The following TULP4 variants were observed in gnomAD, a reference collection of about 807,000 sequenced individuals.
The protein encoded by TULP4 is tubby-related protein 4.
TULP4 carries 16 observed loss-of-function variants against 129.0 expected under a neutral mutation model. The observed-to-expected ratio is 0.12, with a 90% confidence interval of 0.08 to 0.19. The LOEUF (loss-of-function observed/expected upper bound fraction) is 0.19, where lower values mean the gene tolerates loss of function less well. Ranked by LOEUF, TULP4 falls within the 10% of genes least tolerant of loss-of-function variation. TULP4 has a pLI of 1.00. For synonymous variants in TULP4, 998 were observed against 854.0 expected (o/e 1.17, Z -2.94); for missense variants, 1,842 against 2,059.1 (o/e 0.89, Z 2.04).
At chr6:158,256,658 A>G (rs1305584816) in intron 1 of TULP4, among the ~76,000 whole-genome samples, 2 of 152,224 alleles carry the variant, frequency 1.3e-5, no homozygotes, top group African/African-American at 2.4e-5. Context: ...TATTAGCAAA[A>G]CTGGATTACA....
In TULP4 at chr6:158,479,855, G is replaced by A. The variant is rs1469233117; in HGVS notation, c.1131G>A (p.Leu377=). 3.1e-6 allele frequency: 5 copies of A among 1,613,744 alleles called. No individual in the cohort carries two copies. The highest frequency in any genetic ancestry group is 4.2e-6 in the Non-Finnish European group (5 of 1,180,022). Residue 377 remains leucine (L), a synonymous_variant, in exon 7 of 14, where the codon CTG becomes CTA. Coordinates refer to ENST00000367097, the MANE Select transcript of TULP4 (RefSeq NM_020245.5). ...GTGTGGAGCACCGGGTGTCCAGCCT[G>A]CAGCTGCTGTGCCAGCAGGCCATCG... The part of the protein sequence containing the change: ...VVRVEHRVSS[L]QLLCQQAIAS...
chr6:158,237,229 T>C (rs1268817342), intron 1 of TULP4: 2 of 773,754 alleles, frequency 2.6e-6, no homozygotes, highest in African/African-American at 1.8e-5. Context: ...TATGAAAATA[T>C]GGAGATGAAG....
At chr6:158,405,258 A>C (rs1314737021) in intron 1 of TULP4, among the ~76,000 whole-genome samples, 1 of 152,234 alleles carries the variant, frequency 6.6e-6, no homozygotes, top group Non-Finnish European at 1.5e-5. Flanking sequence ...AAAAGTTTAA[A>C]AATCATTTAT....
chr6:158,295,941 C>T (rs1277542700), intron 1 of TULP4, among the ~76,000 whole-genome samples: 3 of 152,160 alleles, frequency 2.0e-5, no homozygotes, highest in Non-Finnish European at 1.5e-5. Flanking sequence ...CCTTTGTGTG[C>T]CTCTCCCGGC....
In TULP4 at chr6:158,508,689, A is replaced by G. The variant is rs954006973; in HGVS notation, c.*1995A>G. The G allele has an allele frequency of 6.6e-6, 1 of 152,536 alleles. No individual in the cohort carries two copies. Among genetic ancestry groups the G allele is most frequent in the Non-Finnish European group, 1.5e-5 (1 of 68,008 alleles). The allele number at this position is 152,536 out of a possible 1,614,324, so 9.4% of individuals were successfully genotyped here. On this transcript the variant is annotated 3_prime_UTR_variant, in exon 14 of 14. Coordinates refer to ENST00000367097, the MANE Select transcript of TULP4 (RefSeq NM_020245.5). ...TAGCCTGTTAGATAATCTAAATGCA[A>G]TTCCCCTGTTTTGTCGTTTAGGAGA...
chr6:158,501,553 C>CT (rs1780445390), intron 12 of TULP4, 125 bp from the exon 13 acceptor site: 13 of 977,236 alleles, frequency 1.3e-5, no homozygotes, highest in Admixed American at 2.7e-5. Flanking sequence ...AGACACGTCT[C>CT]TGTCTCTGGC....
chr6:158,485,756 C>G (rs1780051335), intron 8 of TULP4, among the ~76,000 whole-genome samples: 1 of 152,236 alleles, frequency 6.6e-6, no homozygotes. Context: ...GAAGACTCCA[C>G]TCAAGCCTCA....
chr6:158,385,335 G>C (rs1220577722), intron 1 of TULP4, among the ~76,000 whole-genome samples: 1 of 152,156 alleles, frequency 6.6e-6, no homozygotes, highest in Non-Finnish European at 1.5e-5. Context: ...TCTGCAGTCA[G>C]GGCATCCAGC....
At chr6:158,244,215 G>A (rs1447891693) in intron 1 of TULP4, among the ~76,000 whole-genome samples, 3 of 151,948 alleles carry the variant, frequency 2.0e-5, no homozygotes, top group Admixed American at 2.0e-4. Flanking sequence ...TAGCTTCCTT[G>A]CTTTACGATA....
At chr6:158,446,206 A>G (rs1779034485) in intron 3 of TULP4, among the ~76,000 whole-genome samples, 1 of 152,236 alleles carries the variant, frequency 6.6e-6, no homozygotes, top group Admixed American at 6.5e-5. Flanking sequence ...ATCTGATTTT[A>G]TGTTGTATCA....
chr6:158,342,356 A>G (rs923426837), intron 1 of TULP4, among the ~76,000 whole-genome samples: 6 of 152,260 alleles, frequency 3.9e-5, no homozygotes, highest in Admixed American at 3.9e-4. Flanking sequence ...TTGAGTTTAC[A>G]TAAGATTGTA....
chr6:158,459,640 C>CA (rs1233121362), intron 5 of TULP4, among the ~76,000 whole-genome samples: 1 of 151,832 alleles, frequency 6.6e-6, no homozygotes, highest in African/African-American at 2.4e-5. Flanking sequence ...CAATACAATT[C>CA]AAAAAAATAT....
At chr6:158,347,113 T>C (rs1297723034) in intron 1 of TULP4, among the ~76,000 whole-genome samples, 1 of 152,222 alleles carries the variant, frequency 6.6e-6, no homozygotes, top group African/African-American at 2.4e-5. Flanking sequence ...TTGAGGATAA[T>C]TGATATTAAT....
At chr6:158,236,488 C>G (rs1054110348) in intron 1 of TULP4, among the ~76,000 whole-genome samples, 9 of 151,936 alleles carry the variant, frequency 5.9e-5, no homozygotes, top group African/African-American at 2.2e-4. Context: ...TTCTTGTGGC[C>G]ATTCATTTAA....
intron 1 of TULP4, among the ~76,000 whole-genome samples, chr6:158,251,417 A>G (rs1396169232): frequency 6.6e-6 from 1 of 152,126 alleles, no homozygotes; most frequent in South Asian, 2.1e-4. Context: ...AATTCTTAAT[A>G]TAACTAATAT....
chr6:158,381,162 T>G (rs932878716), intron 1 of TULP4, among the ~76,000 whole-genome samples: 5 of 150,644 alleles, frequency 3.3e-5, no homozygotes, highest in African/African-American at 1.2e-4. Context: ...TTATGGTTGT[T>G]TTTTTTTTTA....
In TULP4 at chr6:158,501,774, C is replaced by T. The variant is rs748496837; in HGVS notation, c.2111C>T (p.Thr704Met). ...AGCTCGGCTCAGGCTATGTCCCCCA[C>T]GCAGAGCATAGGGCTGGTGCAGTCC... ...IHSSAQAMSP[T>M]QSIGLVQSLL... Residue 704 changes from threonine (T) to methionine (M), a missense_variant, in exon 13 of 14, where the codon ACG becomes ATG. By Grantham distance (81) the Thr-to-Met change is moderately conservative. Around this residue, in one of 5 missense-constraint regions of TULP4, gnomAD observed 99 missense variants for 165.1 expected, o/e 0.60. Coordinates refer to ENST00000367097, the MANE Select transcript of TULP4 (RefSeq NM_020245.5). The T allele has an allele frequency of 4.0e-5, 65 of 1,614,162 alleles. No homozygotes were observed. Among genetic ancestry groups the T allele is most frequent in the South Asian group, 2.4e-4 (22 of 91,086 alleles).
At chr6:158,437,487 G>T (rs1778777418) in intron 3 of TULP4, among the ~76,000 whole-genome samples, 1 of 152,092 alleles carries the variant, frequency 6.6e-6, no homozygotes, top group Non-Finnish European at 1.5e-5. Context: ...CTTGAGCCTG[G>T]GAGGTCGAGG....
At chr6:158,453,618 G>T (rs551000556) in intron 5 of TULP4, among the ~76,000 whole-genome samples, 22 of 149,562 alleles carry the variant, frequency 1.5e-4, no homozygotes, top group Non-Finnish European at 5.9e-5. Context: ...GTGAAACCTC[G>T]TCTGTATTAA....
Sources: gnomAD v4.1 joint callset for allele counts (sites outside exome capture counted in the v4.1 genomes callset) on GRCh38, gnomAD v4.1.1 for gene constraint, gnomAD v4.1.1 regional missense constraint, MANE v1.5 for transcripts, NCBI Gene and HGNC (gene_info 2026-07-23, HGNC 2026-07-21) for gene names.